Variants in GRK5 observed in about 807,000 individuals in gnomAD.
GRK5 encodes G protein-coupled receptor kinase 5, also known as g protein-coupled receptor kinase GRK5.
Under a neutral mutation model 78.4 loss-of-function variants are expected in GRK5, and 40 were observed. The ratio of observed to expected loss-of-function variants is 0.51; its 90% CI spans 0.40 to 0.66. The LOEUF (loss-of-function observed/expected upper bound fraction) is 0.66. Ranked by LOEUF, GRK5 falls within the 30% of genes least tolerant of loss-of-function variation. The pLI is 0.00. For synonymous variants in GRK5, 289 were observed against 296.8 expected, an observed-to-expected ratio of 0.97 and a Z score of 0.27; for missense variants, 598 against 759.9, an observed-to-expected ratio of 0.79 and a Z score of 2.50.
intron 1 of GRK5, among the ~76,000 whole-genome samples, chr10:119,223,056 C>T (rs991049715): frequency 3.3e-5 from 5 of 152,198 alleles, no homozygotes; most frequent in African/African-American, 7.2e-5. Flanking sequence ...CATCTATTGT[C>T]GCACAGTTCT....
At chr10:119,362,572 G>A (rs2133811390) in intron 2 of GRK5, among the ~76,000 whole-genome samples, 1 of 152,330 alleles carries the variant, frequency 6.6e-6, no homozygotes, top group East Asian at 1.9e-4. Flanking sequence ...GGATATCGCA[G>A]GGAAGGAAGA....
At chr10:119,310,618 T>G (rs1026834350) in intron 1 of GRK5, among the ~76,000 whole-genome samples, 1 of 152,110 alleles carries the variant, frequency 6.6e-6, no homozygotes, top group African/African-American at 2.4e-5. Flanking sequence ...AGATCAATAG[T>G]GTTGCAAGAG....
At chr10:119,249,670 T>A (rs1018901934) in intron 1 of GRK5, among the ~76,000 whole-genome samples, 8 of 152,104 alleles carry the variant, frequency 5.3e-5, no homozygotes, top group Admixed American at 2.6e-4. Context: ...TCTAATTTTT[T>A]AAATATTTTT....
chr10:119,317,244 G>A (rs559295150), intron 1 of GRK5, among the ~76,000 whole-genome samples: 13 of 152,234 alleles, frequency 8.5e-5, no homozygotes, highest in Admixed American at 7.2e-4. Context: ...GGTCCACTGC[G>A]GATCCTGCCT....
At chr10:119,364,613 C>A (rs527702694) in intron 2 of GRK5, among the ~76,000 whole-genome samples, 52 of 152,268 alleles carry the variant, frequency 3.4e-4, no homozygotes, top group African/African-American at 1.2e-3. Context: ...CTGGCCCTGA[C>A]TTATCTAGTA....
intron 1 of GRK5, among the ~76,000 whole-genome samples, chr10:119,266,819 G>A (rs1400867483): frequency 6.6e-6 from 1 of 151,230 alleles, no homozygotes; most frequent in African/African-American, 2.4e-5. Context: ...CTGTTGCCCA[G>A]GCTGGAGTGC....
At chr10:119,281,861 A>G (rs1849769324) in intron 1 of GRK5, among the ~76,000 whole-genome samples, 1 of 152,212 alleles carries the variant, frequency 6.6e-6, no homozygotes, top group South Asian at 2.1e-4. Context: ...TGGATTCGGT[A>G]AAGACTAAAT....
intron 1 of GRK5, among the ~76,000 whole-genome samples, chr10:119,300,322 T>A (rs1358691133): frequency 2.0e-5 from 3 of 152,248 alleles, no homozygotes; most frequent in Non-Finnish European, 4.4e-5. Flanking sequence ...ACTGATGTGT[T>A]ACCTTCTAAA....
chr10:119,416,563 T>C (rs1852456885), intron 4 of GRK5, among the ~76,000 whole-genome samples: 1 of 148,658 alleles, frequency 6.7e-6, no homozygotes. Context: ...TAGGGCTCCC[T>C]CTCGAATTGA....
chr10:119,326,702 A>G (rs1589746501), intron 2 of GRK5, 91 bp downstream of exon 2: 1 of 955,408 alleles, frequency 1.0e-6, no homozygotes, highest in African/African-American at 1.6e-5. Context: ...GTGAGCCGCC[A>G]AGCTGTCTGT....
rs571096863 is a variant in GRK5 at position 119,217,522 on chromosome 10, A to G, written c.52+9553A>G. Among the ~76,000 whole-genome samples the G allele has an allele frequency of 4.7e-4, 71 of 152,326 alleles. 1 individual carries two copies. In the South Asian group the frequency reaches 7.9e-3, roughly 17 times the overall value. ...CTGCCTGGGCCCCTCCTACCAACAC[A>G]TCGGACAAGCGAGGCCAGCCTCTTG... is the stretch of plus-strand genomic sequence containing the variant. On this transcript the variant is annotated intron_variant, in intron 1 of 15. Transcript: ENST00000392870. The surrounding 1 kb of genome is among the most constrained non-coding windows in gnomAD (Gnocchi z 4.1).
chr10:119,330,740 G>A (rs1564893858), intron 2 of GRK5, among the ~76,000 whole-genome samples: 1 of 152,098 alleles, frequency 6.6e-6, no homozygotes, highest in Non-Finnish European at 1.5e-5. Context: ...TTAGATCTAG[G>A]ATGGGTGTGA....
intron 1 of GRK5, among the ~76,000 whole-genome samples, chr10:119,286,638 C>T (rs2133696653): frequency 6.6e-6 from 1 of 152,334 alleles, no homozygotes; most frequent in Non-Finnish European, 1.5e-5. Context: ...GAGTGGCTGG[C>T]AGGAATAATG....
chr10:119,424,938 C>T, intron 5 of GRK5, 55 bp from the exon 6 acceptor site: 1 of 1,266,772 alleles, frequency 7.9e-7, no homozygotes, highest in Non-Finnish European at 1.2e-6. Context: ...GCTTTGCCCC[C>T]CTGCTTGAAG....
chr10:119,216,779 C>A (rs940126779), intron 1 of GRK5, among the ~76,000 whole-genome samples: 1 of 152,146 alleles, frequency 6.6e-6, no homozygotes, highest in Admixed American at 6.5e-5. Context: ...GTGGTGAAAA[C>A]CCATCTCTAC....
intron 9 of GRK5, among the ~76,000 whole-genome samples, chr10:119,438,688 A>G (rs901722934): frequency 2.6e-5 from 4 of 152,212 alleles, no homozygotes; most frequent in African/African-American, 9.7e-5. Flanking sequence ...ACCACTCACC[A>G]CGGCCTCTCT....
chr10:119,221,449 A>C (rs1046480290), intron 1 of GRK5, among the ~76,000 whole-genome samples: 4 of 152,166 alleles, frequency 2.6e-5, no homozygotes, highest in African/African-American at 9.7e-5. Flanking sequence ...ATTGTGAAAG[A>C]CTTTGGAAGC....
At chr10:119,366,213 C>A (rs962157381) in intron 2 of GRK5, among the ~76,000 whole-genome samples, 10 of 152,334 alleles carry the variant, frequency 6.6e-5, no homozygotes, top group African/African-American at 2.4e-4. Context: ...CCTTAAGGAG[C>A]AACGGATTTG....
intron 4 of GRK5, among the ~76,000 whole-genome samples, chr10:119,414,016 G>A (rs1309522685): frequency 1.3e-5 from 2 of 152,188 alleles, no homozygotes; most frequent in African/African-American, 2.4e-5. Context: ...GGAGAAATGA[G>A]GGTGGCCTCC....
Sources: allele counts gnomAD v4.1 joint callset (sites outside exome capture counted in the v4.1 genomes callset), GRCh38; gene constraint gnomAD v4.1.1; non-coding constraint Gnocchi (gnomAD v3.1); transcripts MANE v1.5; gene names NCBI Gene and HGNC (gene_info 2026-07-23, HGNC 2026-07-21).